The following CBR4 variants were observed in gnomAD, a reference collection of about 807,000 sequenced individuals.
CBR4 encodes the protein carbonyl reductase 4, also known as 3-oxoacyl-[acyl-carrier-protein] reductase.
CBR4 carries 22 observed loss-of-function variants against 21.0 expected under a neutral mutation model. The ratio of observed to expected loss-of-function variants is 1.05; its 90% CI spans 0.75 to 1.50. The LOEUF is 1.50. CBR4 is among the 40% of genes most tolerant of loss of function. CBR4 has a pLI of 0.00. For synonymous variants in CBR4, 100 were observed against 104.4 expected (o/e 0.96, Z 0.26); for missense variants, 302 against 286.3 (o/e 1.05, Z -0.40).
chr4:168,999,696 C>T (rs1310576278), intron 4 of CBR4, among the ~76,000 whole-genome samples: 1 of 150,136 alleles, frequency 6.7e-6, no homozygotes, highest in African/African-American at 2.4e-5. Context: ...AAGACTACAA[C>T]CACACTTCCA....
chr4:168,973,385 T>C (rs1025613275), intron 2 of CBR4, among the ~76,000 whole-genome samples: 15 of 152,220 alleles, frequency 9.9e-5, no homozygotes, highest in African/African-American at 3.1e-4. Context: ...TGGAATCCAA[T>C]GGTGTGATCT....
intron 2 of CBR4, among the ~76,000 whole-genome samples, chr4:168,969,463 T>C (rs541816123): frequency 1.3e-5 from 2 of 152,322 alleles, no homozygotes; most frequent in African/African-American, 4.8e-5. Context: ...TAGATTATCC[T>C]GGATAATCTG....
intron 4 of CBR4, among the ~76,000 whole-genome samples, chr4:168,990,746 C>T (rs1168540491): frequency 1.3e-5 from 2 of 149,308 alleles, no homozygotes; most frequent in East Asian, 4.3e-4. Flanking sequence ...ATTAATAAAC[C>T]TTGTTTATAT....
chr4:168,979,963 C>A (rs1764492860), intron 2 of CBR4, among the ~76,000 whole-genome samples: 1 of 152,078 alleles, frequency 6.6e-6, no homozygotes, highest in Admixed American at 6.5e-5. Flanking sequence ...TCCCTGTGAG[C>A]CCCCAATTCC....
chr4:168,930,545 TGAC>T (rs1762946527), intron 2 of CBR4, among the ~76,000 whole-genome samples: 1 of 152,174 alleles, frequency 6.6e-6, no homozygotes, highest in South Asian at 2.1e-4. Flanking sequence ...GCAAGATGGC[TGAC>T]TAGAGGTTCC....
downstream of CBR4, among the ~76,000 whole-genome samples, chr4:168,985,894 T>G (rs974505665): frequency 3.3e-5 from 5 of 152,052 alleles, no homozygotes; most frequent in Non-Finnish European, 7.4e-5. Flanking sequence ...CAATACACAC[T>G]GGGGCCTACT....
intron 2 of CBR4, among the ~76,000 whole-genome samples, chr4:168,958,547 G>T (rs1300038167): frequency 6.6e-6 from 1 of 152,160 alleles, no homozygotes; most frequent in Non-Finnish European, 1.5e-5. Context: ...ATCTTTGTGT[G>T]AACACGTATT....
rs1764744693 is a variant in CBR4 at position 168,987,857 on chromosome 4, A to C, written c.*2293T>G. ...ATTATCTCCCTAAAAAGCAGTTACA[A>C]ACCATAAATTGAATATGAATAAAAT... On this transcript the variant is annotated 3_prime_UTR_variant, in exon 5 of 5. Transcript: ENST00000306193. 1 of 980,664 alleles carries C rather than the reference A, an allele frequency of 1.0e-6. No individual in the cohort carries two copies. The highest frequency in any genetic ancestry group is 4.7e-5 in the South Asian group (1 of 21,190). 60.7% of individuals were successfully genotyped at this position (980,664 alleles called of 1,614,324 possible).
intron 2 of CBR4, chr4:168,915,749 A>AT (rs1484955653): frequency 6.2e-6 from 4 of 645,938 alleles, no homozygotes; most frequent in Non-Finnish European, 1.1e-5. Flanking sequence ...TGCTTTTCTG[A>AT]TTTTTTAATG....
At chr4:168,976,749 G>A (rs969108367) in intron 2 of CBR4, among the ~76,000 whole-genome samples, 9 of 152,356 alleles carry the variant, frequency 5.9e-5, no homozygotes, top group African/African-American at 1.9e-4. Context: ...TCGCAAGGGC[G>A]GGGAGGGTGT....
At chr4:168,953,787 T>A (rs1478173427) in intron 2 of CBR4, among the ~76,000 whole-genome samples, 2 of 152,076 alleles carry the variant, frequency 1.3e-5, no homozygotes, top group African/African-American at 4.8e-5. Context: ...CCAAACATTT[T>A]AAGACAGCAT....
Position 168,896,745 on chromosome 4 carries a change from T to A in CBR4, n.170-1980A>T. 5.1e-6 allele frequency: 3 copies of A among 590,610 alleles called. No homozygotes were observed. The Middle Eastern group carries it at 7.7e-4, about 152-fold the overall frequency. The allele number at this position is 590,610 out of a possible 1,614,324, so 36.6% of individuals were successfully genotyped here. On this transcript the variant is annotated intron_variant and non_coding_transcript_variant, in intron 2 of 3. Coordinates refer to the CBR4 transcript ENST00000509108. ...AGTGTCTGTTTCATTTAATATCAGATACACAAAATTACTGCAACATGAGTT... is the reference window on the plus strand; with the variant it reads ...AGTGTCTGTTTCATTTAATATCAGAAACACAAAATTACTGCAACATGAGTT...
chr4:168,985,935 T>C (rs1046928412), downstream of CBR4, among the ~76,000 whole-genome samples: 1 of 152,010 alleles, frequency 6.6e-6, no homozygotes, highest in African/African-American at 2.4e-5. Context: ...ATGGAGAAGA[T>C]TGAAAAACTA....
chr4:169,008,889 C>T (rs1170464945), intron 1 of CBR4: 2 of 432,596 alleles, frequency 4.6e-6, no homozygotes, highest in Admixed American at 2.9e-5. Context: ...AGTCTCCCAA[C>T]CAGCACTGAA....
rs562144187 is a variant in CBR4 at position 168,965,204 on chromosome 4, G to A, written n.169+36867C>T. 4.5e-4 allele frequency among the ~76,000 whole-genome samples: 68 copies of A among 152,152 alleles called. 1 individual carries two copies. In the South Asian group the frequency reaches 0.012, roughly 27 times the overall value. ...CCTAGGAATACAACTTACAATGAAC[G>A]TGAAGGACCTCTTCAAGGAGAACTA... On this transcript the variant is annotated intron_variant and non_coding_transcript_variant, in intron 2 of 3. Transcript: ENST00000509108.
chr4:168,922,092 T>A (rs1659189472), intron 2 of CBR4, among the ~76,000 whole-genome samples: 1 of 101,194 alleles, frequency 9.9e-6, no homozygotes, highest in African/African-American at 3.8e-5. Flanking sequence ...TATTTATATA[T>A]ATATATATAT....
exon 3 of CBR4, chr4:168,894,663 G>A: frequency 1.2e-6 from 2 of 1,613,452 alleles, no homozygotes; most frequent in East Asian, 2.2e-5. Context: ...GCCAGAAGAG[G>A]AAACAGCTAA....
rs961967258 is a variant in CBR4 at position 168,925,367 on chromosome 4, C to T, written n.170-30602G>A. On this transcript the variant is annotated intron_variant and non_coding_transcript_variant, in intron 2 of 3. Transcript: ENST00000509108. ...GTTAGTTGTGGCTTCCTTACTCAAG[C>T]ATCCTTAGGAGTTAACAGTAGGCAA... The T allele has an allele frequency of 1.6e-5, 16 of 979,500 alleles. No individual in the cohort carries two copies. In the African/African-American group the frequency reaches 2.2e-4, roughly 14 times the overall value. The allele number at this position is 979,500 out of a possible 1,614,324, so 60.7% of individuals were successfully genotyped here.
intron 2 of CBR4, chr4:168,898,223 C>G: frequency 2.1e-6 from 1 of 484,108 alleles, no homozygotes; most frequent in East Asian, 3.8e-5. Flanking sequence ...CCTTGTTTCC[C>G]CTCGCCTCAG....
Sources: gnomAD v4.1 joint callset for allele counts (sites outside exome capture counted in the v4.1 genomes callset) on GRCh38, gnomAD v4.1.1 for gene constraint, MANE v1.5 for transcripts, NCBI Gene and HGNC (gene_info 2026-07-23, HGNC 2026-07-21) for gene names.